RAI14: variants seen among roughly 807,000 people sequenced by gnomAD.
The protein encoded by RAI14 is retinoic acid induced 14, also known as ankycorbin.
RAI14 carries 45 observed loss-of-function variants against 115.4 expected under a neutral mutation model. The observed-to-expected ratio is 0.39, with a 90% CI of 0.31 to 0.50. The LOEUF is 0.50. RAI14 is among the 20% of genes least tolerant of loss of function. The pLI is 0.85. For synonymous variants in RAI14, 371 were observed against 415.4 expected, an observed-to-expected ratio of 0.89 and a Z score of 1.30; for missense variants, 939 against 1,131.2, an observed-to-expected ratio of 0.83 and a Z score of 2.44.
chr5:34,806,120 T>C (rs767285655), intron 5 of RAI14, among the ~76,000 whole-genome samples: 8 of 152,148 alleles, frequency 5.3e-5, no homozygotes, highest in Non-Finnish European at 1.2e-4. Context: ...AAGGAGGTGA[T>C]ATTTAAGCTG....
At chr5:34,710,825 T>C (rs1324515220) in intron 2 of RAI14, among the ~76,000 whole-genome samples, 1 of 152,150 alleles carries the variant, frequency 6.6e-6, no homozygotes, top group Non-Finnish European at 1.5e-5. Flanking sequence ...GACTGTAAAG[T>C]TTCTGACATG....
rs1047298678 is a variant in RAI14, at chr5:34,724,567, A to G, written c.37-32901A>G. On this transcript the variant is annotated intron_variant, in intron 2 of 17. Transcript: ENST00000265109. The stretch of plus-strand genomic sequence containing the variant: ...TGATAAAACTGGCAAGTGGACCGAG[A>G]AATCCAAGCCATGAGAATTCTGAGA... Among the ~76,000 whole-genome samples the G allele has an allele frequency of 3.9e-5, 6 of 152,276 alleles. No individual in the cohort carries two copies. In the South Asian group the frequency reaches 1.2e-3, roughly 32 times the overall value.
At chr5:34,704,643 C>T (rs1740467141) in intron 2 of RAI14, among the ~76,000 whole-genome samples, 1 of 152,186 alleles carries the variant, frequency 6.6e-6, no homozygotes, top group South Asian at 2.1e-4. Flanking sequence ...CAGATACTCT[C>T]TAATTCTGTT....
intron 3 of RAI14, among the ~76,000 whole-genome samples, chr5:34,782,106 T>C (rs1353102907): frequency 1.3e-5 from 2 of 152,224 alleles, no homozygotes; most frequent in Non-Finnish European, 2.9e-5. Context: ...TTTTCCACCC[T>C]GGGTGGGCCA....
intron 10 of RAI14, among the ~76,000 whole-genome samples, chr5:34,813,113 A>G (rs1056605194): frequency 6.6e-6 from 1 of 152,234 alleles, no homozygotes; most frequent in African/African-American, 2.4e-5. Context: ...GCAAATACTC[A>G]ATACTAAATT....
rs373518288 is a variant in RAI14, at chr5:34,826,400, C to T, written c.2720C>T (p.Ser907Leu). ...ALNSLSQLSY[S>L]TSSSKRQSQQ... is the part of the protein sequence containing the mutation. Reference sequence around the variant, plus strand: ...AACAGCCTCTCCCAGCTCTCCTACTCAACAAGCTCATCCAAAAGGCAGAGT... The same window carrying T: ...AACAGCCTCTCCCAGCTCTCCTACTTAACAAGCTCATCCAAAAGGCAGAGT... The change falls in exon 16 of 18, where the codon TCA becomes TTA. Residue 907 changes from serine (S) to leucine (L), a missense_variant. By Grantham distance (145) the Ser-to-Leu change is moderately radical. Coordinates refer to ENST00000265109, the MANE Select transcript of RAI14 (RefSeq NM_015577.3). 1.9e-6 allele frequency: 3 copies of T among 1,614,006 alleles called. No homozygotes were observed. Among genetic ancestry groups the T allele is most frequent in the Non-Finnish European group, 2.5e-6 (3 of 1,180,022 alleles).
At chr5:34,683,366 T>C (rs1744527592) in intron 1 of RAI14, among the ~76,000 whole-genome samples, 1 of 152,130 alleles carries the variant, frequency 6.6e-6, no homozygotes, top group Non-Finnish European at 1.5e-5. Flanking sequence ...TTGGGAACTT[T>C]TGGAATTATC....
chr5:34,831,112 C>G lies in RAI14; in HGVS notation c.*347C>G, dbSNP rs1252332123. ...TCACCACCGAGTGATGTGCTGAGGC[C>G]TCCTGCAGTGAATGCTCCTTCCATT... On this transcript the variant is annotated 3_prime_UTR_variant, in exon 18 of 18. Transcript: ENST00000265109. 1 of 226,820 alleles carries G rather than the reference C, an allele frequency of 4.4e-6. No individual in the cohort carries two copies. The highest frequency in any genetic ancestry group is 1.1e-4 in the East Asian group (1 of 9,292). 14.1% of individuals were successfully genotyped at this position (226,820 alleles called of 1,614,324 possible).
chr5:34,668,622 T>C (rs775093612), intron 1 of RAI14, among the ~76,000 whole-genome samples: 2 of 152,180 alleles, frequency 1.3e-5, no homozygotes, highest in Non-Finnish European at 2.9e-5. Context: ...TAGATTTTCT[T>C]TGGAGTTGAT....
At chr5:34,775,913 G>T (rs191265643) in intron 3 of RAI14, among the ~76,000 whole-genome samples, 91 of 152,262 alleles carry the variant, frequency 6.0e-4, no homozygotes, top group African/African-American at 2.2e-3. Context: ...CAATCCCACT[G>T]CTAGGTATAT....
chr5:34,767,609 A>ACCC (rs1749582253), intron 3 of RAI14, among the ~76,000 whole-genome samples: 1 of 49,162 alleles, frequency 2.0e-5, no homozygotes, highest in African/African-American at 8.0e-5. Context: ...CACCCCCACC[A>ACCC]CCCCCACCAC....
Position 34,790,145 on chromosome 5 carries a change from T to C in RAI14, c.168-5794T>C, listed in dbSNP as rs74941003. 1.4e-4 allele frequency among the ~76,000 whole-genome samples: 22 copies of C among 152,292 alleles called. No individual in the cohort carries two copies. The East Asian group carries it at 4.1e-3, about 28-fold the overall frequency. The stretch of plus-strand genomic sequence containing the variant: ...TTTTCCCACCCTGCTCTTCTGTACA[T>C]TGGTGATTAATAACTGCTTCTAGGC... On this transcript the variant is annotated intron_variant, in intron 3 of 17. Coordinates refer to ENST00000265109, the MANE Select transcript of RAI14 (RefSeq NM_015577.3).
intron 2 of RAI14, among the ~76,000 whole-genome samples, chr5:34,739,632 A>G (rs1745255100): frequency 6.6e-6 from 1 of 152,212 alleles, no homozygotes; most frequent in African/African-American, 2.4e-5. Context: ...GTGTTTTAGT[A>G]GCAATATTAT....
At chr5:34,665,189 G>GTGTGTA (rs1743100730) in intron 1 of RAI14, among the ~76,000 whole-genome samples, 7 of 17,926 alleles carry the variant, frequency 3.9e-4, no homozygotes, top group Non-Finnish European at 7.6e-4. Context: ...ATATATATAT[G>GTGTGTA]TATATATATA....
Position 34,757,549 on chromosome 5 carries a change from G to T in RAI14, c.118G>T (p.Gly40Cys). 6.2e-7 allele frequency: 1 copy of T among 1,613,900 alleles called. No individual in the cohort carries two copies. Among genetic ancestry groups the T allele is most frequent in the African/African-American group, 1.3e-5 (1 of 75,060 alleles). The part of the protein sequence containing the change: ...GDAEKVASLL[G>C]KKGASATKHD... Reference sequence around the variant, plus strand: ...TGCGGAGAAGGTGGCCTCACTGCTCGGCAAGAAGGGGGCCAGTGCCACCAA... The same window carrying T: ...TGCGGAGAAGGTGGCCTCACTGCTCTGCAAGAAGGGGGCCAGTGCCACCAA... The change falls in exon 3 of 18, where the codon GGC (glycine) becomes TGC (cysteine). Residue 40 changes from glycine (G) to cysteine (C), a missense_variant. Coordinates refer to ENST00000265109, the MANE Select transcript of RAI14 (RefSeq NM_015577.3).
chr5:34,769,532 T>G (rs1300121790), intron 3 of RAI14, among the ~76,000 whole-genome samples: 1 of 152,154 alleles, frequency 6.6e-6, no homozygotes, highest in Non-Finnish European at 1.5e-5. Flanking sequence ...GACCTAGAAT[T>G]TAGATATTGC....
intron 3 of RAI14, among the ~76,000 whole-genome samples, chr5:34,787,892 G>GTTTTTT: frequency 3.4e-5 from 1 of 29,348 alleles, no homozygotes; most frequent in Non-Finnish European, 8.1e-5. Context: ...GGATACTACT[G>GTTTTTT]ATTTTTTTTT....
chr5:34,805,622 C>G (rs1319915106), intron 5 of RAI14, among the ~76,000 whole-genome samples: 1 of 152,090 alleles, frequency 6.6e-6, no homozygotes, highest in African/African-American at 2.4e-5. Context: ...GGTGGATCAC[C>G]TGAGGCCAGG....
At chr5:34,669,975 C>G (rs928374720) in intron 1 of RAI14, among the ~76,000 whole-genome samples, 1 of 152,022 alleles carries the variant, frequency 6.6e-6, no homozygotes, top group Admixed American at 6.6e-5. Context: ...TTGTTGACTC[C>G]GTGAATTTAA....
Sources: gnomAD v4.1 joint callset for allele counts (sites outside exome capture counted in the v4.1 genomes callset) on GRCh38, gnomAD v4.1.1 for gene constraint, MANE v1.5 for transcripts, NCBI Gene and HGNC (gene_info 2026-07-23, HGNC 2026-07-21) for gene names.